Variants in VIRMA observed in about 807,000 individuals in gnomAD.
VIRMA encodes the protein vir like m6A methyltransferase associated.
A neutral mutation model predicts 182.4 loss-of-function variants in VIRMA; 65 were observed. The observed-to-expected ratio is 0.36, with a 90% CI of 0.29 to 0.44. The LOEUF is 0.44. VIRMA is among the 20% of genes least tolerant of loss of function. The pLI is 1.00. For synonymous variants in VIRMA, 709 were observed against 743.1 expected, an observed-to-expected ratio of 0.95 and a Z score of 0.75; for missense variants, 1,752 against 2,158.1, an observed-to-expected ratio of 0.81 and a Z score of 3.73.
In VIRMA at chr8:94,538,309, A is replaced by C; in HGVS notation, c.217T>G (p.Phe73Val). The change falls in exon 3 of 24, where the codon TTC becomes GTC. Residue 73 changes from phenylalanine to valine, a missense_variant. This residue lies in a region of VIRMA where 195 missense variants were observed against 191.7 expected (regional missense o/e 1.02). Coordinates refer to ENST00000297591, the MANE Select transcript of VIRMA (RefSeq NM_015496.5). ...GCACTTGGTTTGCTTACATTGTTGAAGAATAAGTCTAATTGAAATGTATGG... is the reference window on the plus strand; with the variant it reads ...GCACTTGGTTTGCTTACATTGTTGACGAATAAGTCTAATTGAAATGTATGG... ...SPHTFQLDLF[F>V]NNVSKPSAPV... 2 of 1,613,420 alleles carry C rather than the reference A, an allele frequency of 1.2e-6. No individual in the cohort carries two copies. The highest frequency in any genetic ancestry group is 1.7e-6 in the Non-Finnish European group (2 of 1,179,428).
chr8:94,495,683 C>T (rs1341407926), intron 19 of VIRMA, 48 bp downstream of exon 19: 3 of 1,548,602 alleles, frequency 1.9e-6, no homozygotes, highest in Non-Finnish European at 2.6e-6. Flanking sequence ...AGACTACAGC[C>T]ATTTTAAAAC....
In VIRMA at chr8:94,515,166, G is replaced by A. The variant is rs190478149; in HGVS notation, c.2669-215C>T. On this transcript the variant is annotated intron_variant, in intron 10 of 23. Coordinates refer to ENST00000297591, the MANE Select transcript of VIRMA (RefSeq NM_015496.5). ...GCTGGAGTACAAAGGGCGTAATCTCGGCTCACTGCAACCTCTGCCTTCTAG... is the reference window on the plus strand; with the variant it reads ...GCTGGAGTACAAAGGGCGTAATCTCAGCTCACTGCAACCTCTGCCTTCTAG... 4.1e-3 allele frequency among the ~76,000 whole-genome samples: 615 copies of A among 150,378 alleles called. 1 individual carries two copies. Among genetic ancestry groups the A allele is most frequent in the Non-Finnish European group, 6.7e-3 (452 of 67,746 alleles).
rs1289499193 is a variant in VIRMA, at chr8:94,527,240, G to C, written c.1004C>G (p.Pro335Arg). Reference protein sequence around the residue: ...YTAEDLASVPPMTYDPYDREL... With the variant: ...YTAEDLASVPRMTYDPYDREL... ...CCTGTCATATGGATCATATGTCATA[G>C]GAGGAACTGAAGCTAAGTCTTCAGC... is the stretch of plus-strand genomic sequence containing the variant. Residue 335 changes from proline (P) to arginine (R), a missense_variant, in exon 8 of 24, where the codon CCT becomes CGT. Physicochemically the swap from Pro to Arg is moderately radical, Grantham distance 103 (BLOSUM62 -2). This residue lies in a region of VIRMA where 401 missense variants were observed against 455.1 expected (regional missense o/e 0.88). Transcript: ENST00000297591. 1.9e-6 allele frequency: 3 copies of C among 1,613,864 alleles called. No individual in the cohort carries two copies. Among genetic ancestry groups the C allele is most frequent in the Admixed American group, 3.3e-5 (2 of 59,994 alleles).
At chr8:94,521,148 T>A (rs1277289218) in intron 8 of VIRMA, among the ~76,000 whole-genome samples, 2 of 152,062 alleles carry the variant, frequency 1.3e-5, no homozygotes, top group Non-Finnish European at 2.9e-5. Context: ...TATCAACCCA[T>A]CACCTAGGTA....
intron 12 of VIRMA, 41 bp downstream of exon 12, chr8:94,511,955 G>T (rs1278335922): frequency 2.6e-6 from 3 of 1,136,002 alleles, no homozygotes; most frequent in East Asian, 5.6e-5. Flanking sequence ...TTTATTCTAG[G>T]CTTAAGAATC....
intron 1 of VIRMA, among the ~76,000 whole-genome samples, chr8:94,544,166 T>C (rs1036194719): frequency 2.6e-5 from 4 of 152,144 alleles, no homozygotes; most frequent in Non-Finnish European, 4.4e-5. Context: ...TTTACTTCCC[T>C]GCTGATGTTT....
intron 16 of VIRMA, among the ~76,000 whole-genome samples, chr8:94,505,597 C>T (rs1409231004): frequency 6.6e-6 from 1 of 152,068 alleles, no homozygotes; most frequent in Non-Finnish European, 1.5e-5. Flanking sequence ...ATCCTCCCAC[C>T]TCAGCTTCCC....
At position 94,530,980 on chromosome 8, in the gene VIRMA, T is replaced by C; in HGVS notation, c.590A>G (p.Asp197Gly). The change falls in exon 6 of 24, where the codon GAT becomes GGT. Residue 197 changes from aspartate (D) to glycine (G), a missense_variant. Asp to Gly is a moderately conservative substitution (Grantham distance 94, BLOSUM62 -1). Coordinates refer to ENST00000297591, the MANE Select transcript of VIRMA (RefSeq NM_015496.5). ...ATTTATACCTGGCAGAGGCACAGGATCATCTTCATCATCATCAGGTGGAGG... is the reference window on the plus strand; with the variant it reads ...ATTTATACCTGGCAGAGGCACAGGACCATCTTCATCATCATCAGGTGGAGG... ...GPPPPDDDED[D>G]PVPLPVSGDK... 2 of 1,603,890 alleles carry C rather than the reference T, an allele frequency of 1.2e-6. No individual in the cohort carries two copies.
rs1267206528 is a variant in VIRMA, at chr8:94,526,346, T to A, written c.1898A>T (p.Glu633Val). The A allele has an allele frequency of 6.2e-7, 1 of 1,614,134 alleles. No individual in the cohort carries two copies. Among genetic ancestry groups the A allele is most frequent in the East Asian group, 2.2e-5 (1 of 44,880 alleles). The change falls in exon 8 of 24, where the codon GAA becomes GTA. Residue 633 changes from glutamate (E) to valine (V), a missense_variant. By Grantham distance (121) the Glu-to-Val change is moderately radical. This residue lies in a region of VIRMA where 401 missense variants were observed against 455.1 expected (regional missense o/e 0.88). Coordinates refer to ENST00000297591, the MANE Select transcript of VIRMA (RefSeq NM_015496.5). ...GGCAGTTTCCATTAAATGAAAAACTTCTTCTAGGAGGTTAATAAGCCTTTC... is the reference window on the plus strand; with the variant it reads ...GGCAGTTTCCATTAAATGAAAAACTACTTCTAGGAGGTTAATAAGCCTTTC... ...EIERLINLLEEVFHLMETAPH... is the reference protein window; with the variant it reads ...EIERLINLLEVVFHLMETAPH...
chr8:94,540,464 T>TTC (rs1815504312), intron 2 of VIRMA, among the ~76,000 whole-genome samples: 1 of 133,214 alleles, frequency 7.5e-6, no homozygotes, highest in Admixed American at 7.7e-5. Context: ...TTCTTTTCTT[T>TTC]TTTTTTTTTT....
intron 2 of VIRMA, among the ~76,000 whole-genome samples, chr8:94,542,376 A>C: frequency 6.6e-6 from 1 of 152,154 alleles, no homozygotes. Flanking sequence ...CAGCAGCCCC[A>C]TGAATGAACT....
chr8:94,536,665 T>TG (rs772964042), intron 4 of VIRMA, among the ~76,000 whole-genome samples: 14 of 152,152 alleles, frequency 9.2e-5, no homozygotes, highest in Non-Finnish European at 2.1e-4. Context: ...AGTGTCTAGG[T>TG]GCTAGAAGAA....
chr8:94,511,115 C>G, intron 13 of VIRMA, 70 bp downstream of exon 13: 1 of 1,540,196 alleles, frequency 6.5e-7, no homozygotes, highest in Non-Finnish European at 8.7e-7. Flanking sequence ...TGTTTTTTAA[C>G]AAAATCACTG....
intron 4 of VIRMA, 40 bp from the exon 5 acceptor site, chr8:94,535,047 T>G (rs753155046): frequency 6.5e-7 from 1 of 1,545,734 alleles, no homozygotes; most frequent in Non-Finnish European, 8.7e-7. Flanking sequence ...TTCAAAGTCA[T>G]GTTTTAAAAT....
At position 94,519,187 on chromosome 8, in the gene VIRMA, T is replaced by C. The variant is rs1200352490; in HGVS notation, c.2311A>G (p.Ile771Val). 11 of 1,614,032 alleles carry C rather than the reference T, an allele frequency of 6.8e-6. No homozygotes were observed. Among genetic ancestry groups the C allele is most frequent in the Non-Finnish European group, 7.6e-6 (9 of 1,180,000 alleles). The stretch of plus-strand genomic sequence containing the variant: ...TGAAAATGGCTGAACAGTTCTGTAA[T>C]ACATTGCAATGTCTGTGTTGAGTCC... ...LQDSTQTLQCITELFSHFQRC... is the reference protein window; with the variant it reads ...LQDSTQTLQCVTELFSHFQRC... Residue 771 changes from isoleucine to valine, a missense_variant, in exon 9 of 24, where the codon ATT becomes GTT. Ile to Val is a conservative substitution (Grantham distance 29, BLOSUM62 3). This residue lies in a region of VIRMA where 45 missense variants were observed against 91.0 expected (regional missense o/e 0.49). Transcript: ENST00000297591.
chr8:94,542,563 T>G (rs1815595647), intron 2 of VIRMA, among the ~76,000 whole-genome samples: 1 of 152,238 alleles, frequency 6.6e-6, no homozygotes, highest in Admixed American at 6.5e-5. Context: ...TGACAAACTT[T>G]TTTTGGCCAA....
At chr8:94,530,771 G>C (rs1032501064) in intron 6 of VIRMA, among the ~76,000 whole-genome samples, 192 bp downstream of exon 6, 13 of 152,094 alleles carry the variant, frequency 8.5e-5, no homozygotes, top group Non-Finnish European at 1.6e-4. Context: ...AATTAGCAAG[G>C]CATGGTGATG....
Position 94,490,063 on chromosome 8 carries a change from T to C in VIRMA, c.5160A>G (p.Glu1720=). The change falls in exon 23 of 24, where the codon GAA becomes GAG. Residue 1720 remains glutamate, a synonymous_variant. Coordinates refer to ENST00000297591, the MANE Select transcript of VIRMA (RefSeq NM_015496.5). The part of the protein sequence containing the change: ...PASKGNYSRR[E]GTRGSSWSAQ... The stretch of plus-strand genomic sequence containing the variant: ...CACTCCAACTGGAGCCTCTTGTTCC[T>C]TCCCGACGACTGTAGTTTCCTAAAC... 6.2e-7 allele frequency: 1 copy of C among 1,612,130 alleles called. No homozygotes were observed. The highest frequency in any genetic ancestry group is 8.5e-7 in the Non-Finnish European group (1 of 1,179,482).
chr8:94,543,670 A>G (rs1349295754), intron 2 of VIRMA, among the ~76,000 whole-genome samples, 157 bp downstream of exon 2: 2 of 152,172 alleles, frequency 1.3e-5, no homozygotes, highest in Non-Finnish European at 2.9e-5. Context: ...TGCATTATAC[A>G]GAAAATATAG....
Sources: gnomAD v4.1 joint callset for allele counts (sites outside exome capture counted in the v4.1 genomes callset) on GRCh38, gnomAD v4.1.1 for gene constraint, gnomAD v4.1.1 regional missense constraint, MANE v1.5 for transcripts, NCBI Gene and HGNC (gene_info 2026-07-23, HGNC 2026-07-21) for gene names.